FAM81A: variants seen among roughly 807,000 people sequenced by gnomAD.
FAM81A encodes family with sequence similarity 81 member A.
Under a neutral mutation model 46.7 loss-of-function variants are expected in FAM81A, and 19 were observed. The observed-to-expected ratio is 0.41, with a 90% confidence interval of 0.28 to 0.60. The LOEUF is 0.60. Ranked by LOEUF, FAM81A falls within the 20% of genes least tolerant of loss-of-function variation. The pLI is 0.34. For missense variants in FAM81A, 377 were observed against 453.5 expected, an observed-to-expected ratio of 0.83 and a Z score of 1.53; for synonymous variants, 183 against 152.9, an observed-to-expected ratio of 1.20 and a Z score of -1.45.
intron 4 of FAM81A, among the ~76,000 whole-genome samples, chr15:59,496,373 G>A (rs1388534651): frequency 1.3e-5 from 2 of 152,140 alleles, no homozygotes; most frequent in Non-Finnish European, 2.9e-5. Context: ...TTGGGAGGCC[G>A]AGGCGGGCAG....
chr15:59,471,969 A>G (rs748720761), intron 3 of FAM81A, among the ~76,000 whole-genome samples: 1 of 152,206 alleles, frequency 6.6e-6, no homozygotes, highest in African/African-American at 2.4e-5. Context: ...AGACAGTGCA[A>G]TGGGTCTGTG....
chr15:59,469,005 T>C (rs952684469), intron 3 of FAM81A, among the ~76,000 whole-genome samples: 3 of 152,218 alleles, frequency 2.0e-5, no homozygotes, highest in East Asian at 1.9e-4. Context: ...TCAGTTTACA[T>C]GTAGTTGTGC....
At chr15:59,489,308 TACATATATAC>T (rs1488416889) in intron 3 of FAM81A, among the ~76,000 whole-genome samples, 3 of 150,980 alleles carry the variant, frequency 2.0e-5, no homozygotes, top group Admixed American at 6.6e-5. Context: ...CATACATACA[TACATATATAC>T]ATACATACAT....
At chr15:59,472,662 C>T (rs2081710343) in intron 3 of FAM81A, among the ~76,000 whole-genome samples, 1 of 151,924 alleles carries the variant, frequency 6.6e-6, no homozygotes, top group African/African-American at 2.4e-5. Context: ...GTGATCCTCC[C>T]ACCTCAGCCT....
At chr15:59,446,968 T>A (rs2081360191) in intron 1 of FAM81A, among the ~76,000 whole-genome samples, 1 of 152,248 alleles carries the variant, frequency 6.6e-6, no homozygotes, top group African/African-American at 2.4e-5. Flanking sequence ...CTTTTTGTTG[T>A]TATTGTCATT....
intron 1 of FAM81A, among the ~76,000 whole-genome samples, chr15:59,456,567 A>T (rs1057231835): frequency 1.3e-5 from 2 of 151,908 alleles, no homozygotes; most frequent in Non-Finnish European, 2.9e-5. Context: ...TTAGCCACTT[A>T]ACCCATTGTT....
chr15:59,503,578 C>T (rs1337833866), intron 4 of FAM81A, among the ~76,000 whole-genome samples: 5 of 150,130 alleles, frequency 3.3e-5, no homozygotes, highest in Admixed American at 2.0e-4. Context: ...TATTTAGCCA[C>T]TATTTTTTTT....
chr15:59,455,610 C>T lies in FAM81A; in HGVS notation c.-77-2940C>T, dbSNP rs2081474056. On this transcript the variant is annotated intron_variant, in intron 1 of 8. Transcript: ENST00000288228. The stretch of plus-strand genomic sequence containing the variant: ...GCGACCTGCCAGATATGCAGATCCT[C>T]ACCACATTCATAAAGGGCACCCATT... Among the ~76,000 whole-genome samples, 4 of 152,358 alleles carry T rather than the reference C, an allele frequency of 2.6e-5. No homozygotes were observed. The South Asian group carries it at 6.2e-4, about 24-fold the overall frequency.
intron 3 of FAM81A, among the ~76,000 whole-genome samples, chr15:59,461,484 T>A (rs1248903902): frequency 1.3e-5 from 2 of 152,124 alleles, no homozygotes; most frequent in Admixed American, 1.3e-4. Context: ...AAGGTCCATC[T>A]ATACTATAGT....
At chr15:59,410,410 G>A (rs1297303676) in intron 2 of FAM81A, among the ~76,000 whole-genome samples, 1 of 152,204 alleles carries the variant, frequency 6.6e-6, no homozygotes, top group Non-Finnish European at 1.5e-5. Context: ...AGAGCTAGCT[G>A]AATTCAGTCC....
intron 1 of FAM81A, among the ~76,000 whole-genome samples, chr15:59,452,110 A>G (rs770930001): frequency 6.6e-6 from 1 of 152,180 alleles, no homozygotes. Context: ...AGCTGTTCCC[A>G]TCTCTTCCTG....
chr15:59,405,601 A>G (rs2140466528), intron 2 of FAM81A, among the ~76,000 whole-genome samples: 1 of 152,192 alleles, frequency 6.6e-6, no homozygotes, highest in East Asian at 1.9e-4. Context: ...AGATCACGCC[A>G]CTGCACACCA....
intron 1 of FAM81A, among the ~76,000 whole-genome samples, chr15:59,453,387 C>G (rs923344376): frequency 6.6e-6 from 1 of 152,176 alleles, no homozygotes; most frequent in Non-Finnish European, 1.5e-5. Context: ...ATGAATTAAA[C>G]TAATGCACAT....
chr15:59,520,498 C>T (rs540943053), intron 8 of FAM81A, among the ~76,000 whole-genome samples: 1 of 150,754 alleles, frequency 6.6e-6, no homozygotes, highest in Non-Finnish European at 1.5e-5. Flanking sequence ...TGATGTTGAC[C>T]TTTTTAAAGA....
At chr15:59,398,822 T>C (rs2081058287) in intron 1 of FAM81A, among the ~76,000 whole-genome samples, 1 of 141,162 alleles carries the variant, frequency 7.1e-6, no homozygotes, top group South Asian at 2.4e-4. Context: ...AGTGCAAAAC[T>C]TCACCATCCC....
intron 3 of FAM81A, among the ~76,000 whole-genome samples, chr15:59,472,621 G>A (rs2081709586): frequency 6.6e-6 from 1 of 151,070 alleles, no homozygotes; most frequent in Admixed American, 6.6e-5. Flanking sequence ...TATGATCATA[G>A]CTCACTGTAG....
Position 59,401,446 on chromosome 15 carries a change from A to G in FAM81A, c.-160-830A>G, listed in dbSNP as rs2081069963. The G allele has an allele frequency of 1.3e-5, 10 of 795,646 alleles. No homozygotes were observed. The Admixed American group carries it at 1.8e-4, about 14-fold the overall frequency. 49.3% of individuals were successfully genotyped at this position (795,646 alleles called of 1,614,324 possible). On this transcript the variant is annotated intron_variant, in intron 1 of 4. Transcript: ENST00000558348. ...GGCAAAAGGTGACTTTCAGTTCAGG[A>G]TATGTTACATGGGCTTTCTTGAAAC...
intron 2 of FAM81A, among the ~76,000 whole-genome samples, chr15:59,411,412 T>C (rs556349843): frequency 1.8e-4 from 27 of 152,272 alleles, no homozygotes; most frequent in South Asian, 1.4e-3. Context: ...ACAAGAAAAG[T>C]TGACAAATAG....
chr15:59,522,034 GC>G lies in FAM81A; in HGVS notation c.*657del, dbSNP rs2082333219. The G allele has an allele frequency of 6.6e-6, 1 of 152,334 alleles. No individual in the cohort carries two copies. The highest frequency in any genetic ancestry group is 1.5e-5 in the Non-Finnish European group (1 of 67,966). 9.4% of individuals were successfully genotyped at this position (152,334 alleles called of 1,614,324 possible). A position where few individuals can be genotyped will look rare whatever the true frequency, so the allele number is the denominator to read the frequency against. On this transcript the variant is annotated 3_prime_UTR_variant, in exon 9 of 9. Transcript: ENST00000288228. ...TGGAAACTTATTTAGATAACGTAAGGCTCAATATCTGCGTTGACCACCTAGA... is the reference window on the plus strand; with the variant it reads ...TGGAAACTTATTTAGATAACGTAAGGTCAATATCTGCGTTGACCACCTAGA...
Sources: gnomAD v4.1 joint callset for allele counts (sites outside exome capture counted in the v4.1 genomes callset) on GRCh38, gnomAD v4.1.1 for gene constraint, MANE v1.5 for transcripts, NCBI Gene and HGNC (gene_info 2026-07-23, HGNC 2026-07-21) for gene names.